The following HPSE2 variants were observed in gnomAD, a reference collection of about 807,000 sequenced individuals.
The protein encoded by HPSE2 is inactive heparanase-2.
Under a neutral mutation model 60.5 loss-of-function variants are expected in HPSE2, and 38 were observed. The ratio of observed to expected loss-of-function variants is 0.63; its 90% confidence interval spans 0.48 to 0.82. The LOEUF is 0.82. Among genes scored for constraint, HPSE2 ranks in the 40% least tolerant of loss-of-function variants. HPSE2 has a pLI of 0.00. For missense variants in HPSE2, 713 were observed against 740.4 expected (o/e 0.96, Z 0.43); for synonymous variants, 295 against 293.2 (o/e 1.01, Z -0.06).
rs143790382 is a variant in HPSE2 at position 98,690,334 on chromosome 10, A to G, written c.1004+3566T>C. 3.9e-3 allele frequency among the ~76,000 whole-genome samples: 592 copies of G among 152,204 alleles called. 10 individuals are homozygous for G. Among genetic ancestry groups the G allele is most frequent in the African/African-American group, 0.014 (571 of 41,548 alleles). ...GGCGGGTGGATCACGAGGTCAGGAG[A>G]TCAAGACCATCCTGGCTAACATGGT... On this transcript the variant is annotated intron_variant, in intron 6 of 11. Transcript: ENST00000370552.
intron 11 of HPSE2, 25 bp downstream of exon 11, chr10:98,482,611 G>A (rs781371375): frequency 8.1e-6 from 13 of 1,613,710 alleles, no homozygotes; most frequent in East Asian, 4.5e-5. Context: ...ACTTGCTCCC[G>A]AGCTATTTTC....
At chr10:98,975,837 G>T (rs1442073513) in intron 3 of HPSE2, among the ~76,000 whole-genome samples, 1 of 152,048 alleles carries the variant, frequency 6.6e-6, no homozygotes, top group African/African-American at 2.4e-5. Context: ...GGGTTCTTCA[G>T]AAATCAAAAG....
At chr10:99,201,175 C>CTT (rs2133885026) in intron 2 of HPSE2, among the ~76,000 whole-genome samples, 1 of 152,238 alleles carries the variant, frequency 6.6e-6, no homozygotes, top group Admixed American at 6.5e-5. Flanking sequence ...AAATGTCTCC[C>CTT]TTTCATACTG....
chr10:99,182,326 A>T (rs995836852), intron 2 of HPSE2, among the ~76,000 whole-genome samples: 4 of 152,192 alleles, frequency 2.6e-5, no homozygotes, highest in African/African-American at 9.7e-5. Context: ...CAAGTGATAA[A>T]ACTGGGCCCA....
intron 3 of HPSE2, among the ~76,000 whole-genome samples, chr10:98,819,681 A>T (rs1951379166): frequency 6.6e-6 from 1 of 152,206 alleles, no homozygotes; most frequent in Non-Finnish European, 1.5e-5. Flanking sequence ...AGTTTTGGAT[A>T]AATCTACAAC....
intron 10 of HPSE2, among the ~76,000 whole-genome samples, chr10:98,486,737 A>G (rs1159539113): frequency 6.6e-6 from 1 of 152,176 alleles, no homozygotes; most frequent in Non-Finnish European, 1.5e-5. Flanking sequence ...CTGAAAGTCA[A>G]TGTGCTTGAA....
intron 3 of HPSE2, among the ~76,000 whole-genome samples, chr10:98,811,594 G>GC (rs780381131): frequency 1.1e-4 from 17 of 152,068 alleles, no homozygotes; most frequent in Non-Finnish European, 1.8e-4. Context: ...AATATTTATT[G>GC]CTTGCTGAAT....
chr10:98,836,489 T>C (rs1479407599), intron 3 of HPSE2, among the ~76,000 whole-genome samples: 1 of 152,164 alleles, frequency 6.6e-6, no homozygotes, highest in Non-Finnish European at 1.5e-5. Flanking sequence ...GGAAAGCAAT[T>C]ACATCATGAA....
At chr10:98,618,597 G>A (rs1945985196) in intron 8 of HPSE2, among the ~76,000 whole-genome samples, 1 of 151,994 alleles carries the variant, frequency 6.6e-6, no homozygotes, top group African/African-American at 2.4e-5. Flanking sequence ...TGGGGGGCAT[G>A]GGGGAGGGAC....
At chr10:99,038,472 T>G (rs1018131731) in intron 3 of HPSE2, among the ~76,000 whole-genome samples, 2 of 152,144 alleles carry the variant, frequency 1.3e-5, no homozygotes, top group Admixed American at 1.3e-4. Flanking sequence ...GACAAAATTA[T>G]AGAGACAGAA....
intron 3 of HPSE2, among the ~76,000 whole-genome samples, chr10:98,790,454 C>G (rs1159065439): frequency 6.6e-6 from 1 of 151,930 alleles, no homozygotes; most frequent in Non-Finnish European, 1.5e-5. Context: ...CTCATAGAAA[C>G]AAATTAGAAA....
In HPSE2 at chr10:99,185,141, T is replaced by C. The variant is rs142052396; in HGVS notation, c.449-40742A>G. 1.3e-4 allele frequency among the ~76,000 whole-genome samples: 20 copies of C among 150,874 alleles called. No homozygotes were observed. The East Asian group carries it at 3.8e-3, about 28-fold the overall frequency. ...ATGGTGAAGCCCTGTCTCGACTAAATATACAAAAAAAAATTAGCCAGGTGT... is the reference window on the plus strand; with the variant it reads ...ATGGTGAAGCCCTGTCTCGACTAAACATACAAAAAAAAATTAGCCAGGTGT... On this transcript the variant is annotated intron_variant, in intron 2 of 11. Transcript: ENST00000370552.
At chr10:98,915,013 A>C (rs994554769) in intron 3 of HPSE2, among the ~76,000 whole-genome samples, 1 of 152,136 alleles carries the variant, frequency 6.6e-6, no homozygotes, top group African/African-American at 2.4e-5. Context: ...ACTGAAAAAA[A>C]AAACCACTGG....
At chr10:98,912,315 T>C (rs1485317801) in intron 3 of HPSE2, among the ~76,000 whole-genome samples, 4 of 152,180 alleles carry the variant, frequency 2.6e-5, no homozygotes, top group Non-Finnish European at 5.9e-5. Context: ...GCAATGTCAT[T>C]TGGTGTGAAT....
At chr10:98,774,260 C>T (rs2134430168) in intron 3 of HPSE2, among the ~76,000 whole-genome samples, 1 of 152,220 alleles carries the variant, frequency 6.6e-6, no homozygotes, top group Non-Finnish European at 1.5e-5. Flanking sequence ...CTCTGATCAT[C>T]TTTTACAGTT....
chr10:98,774,187 C>T (rs1006190217), intron 3 of HPSE2, among the ~76,000 whole-genome samples: 6 of 151,988 alleles, frequency 3.9e-5, no homozygotes, highest in African/African-American at 1.4e-4. Context: ...CACACATACA[C>T]AGTAAAAGCA....
the HPSE2 span, among the ~76,000 whole-genome samples, chr10:99,246,783 T>C: frequency 1.3e-5 from 2 of 152,202 alleles, no homozygotes; most frequent in Non-Finnish European, 2.9e-5. Context: ...TAGAAGCCTA[T>C]TACTTGATAC....
chr10:99,111,349 C>A (rs958188539), intron 3 of HPSE2, among the ~76,000 whole-genome samples: 50 of 152,020 alleles, frequency 3.3e-4, no homozygotes, highest in African/African-American at 1.2e-3. Flanking sequence ...ATTTTGTATT[C>A]TTTTTCTTAA....
At chr10:98,893,277 G>C (rs987415426) in intron 3 of HPSE2, among the ~76,000 whole-genome samples, 10 of 152,062 alleles carry the variant, frequency 6.6e-5, no homozygotes, top group African/African-American at 2.4e-4. Flanking sequence ...ATGTTGGTCA[G>C]GCTGGTCTCG....
Sources: allele counts gnomAD v4.1 joint callset (sites outside exome capture counted in the v4.1 genomes callset), GRCh38; gene constraint gnomAD v4.1.1; transcripts MANE v1.5; gene names NCBI Gene and HGNC (gene_info 2026-07-23, HGNC 2026-07-21).